Variants in DNHD1 observed in about 807,000 individuals in gnomAD.
DNHD1 encodes dynein heavy chain domain 1, also known as dynein heavy chain domain-containing protein 1.
A neutral mutation model predicts 458.1 loss-of-function variants in DNHD1; 383 were observed. That is an observed-to-expected ratio of 0.84 (90% CI 0.77 to 0.91). The LOEUF (loss-of-function observed/expected upper bound fraction) is 0.91, where lower values mean the gene tolerates loss of function less well. DNHD1 is among the 40% of genes least tolerant of loss of function. DNHD1 has a pLI of 0.00. For synonymous variants in DNHD1, 2,203 were observed against 2,376.9 expected (o/e 0.93, Z 2.13); for missense variants, 5,336 against 5,866.1 (o/e 0.91, Z 2.95).
rs1193899030 is a variant in DNHD1 at position 6,571,147 on chromosome 11, G to A, written c.13635G>A (p.Pro4545=). Reference sequence around the variant, plus strand: ...GGCGACCTCATGCGCCGGCCGGTCCGCAGCCGCCCTGGCACTGGCTGCGAC... The same window carrying A: ...GGCGACCTCATGCGCCGGCCGGTCCACAGCCGCCCTGGCACTGGCTGCGAC... ...LPWRPHAPAG[P]QPPWHWLRQL... Residue 4545 remains proline (P), a synonymous_variant, in exon 42 of 43, where the codon CCG becomes CCA. Coordinates refer to ENST00000254579, the MANE Select transcript of DNHD1 (RefSeq NM_144666.3). The surrounding 1 kb of genome is among the most constrained non-coding windows in gnomAD (Gnocchi z 5.0). The A allele has an allele frequency of 5.0e-6, 8 of 1,601,428 alleles. No individual in the cohort carries two copies. The highest frequency in any genetic ancestry group is 1.3e-5 in the African/African-American group (1 of 74,774).
rs754113419 is a variant in DNHD1, at chr11:6,502,704, A to G, written c.747-49A>G. 10 of 1,518,266 alleles carry G rather than the reference A, an allele frequency of 6.6e-6. No homozygotes were observed. In the African/African-American group the frequency reaches 8.4e-5, roughly 13 times the overall value. 94.0% of individuals were successfully genotyped at this position (1,518,266 alleles called of 1,614,324 possible). A position where few individuals can be genotyped will look rare whatever the true frequency, so the allele number is the denominator to read the frequency against. ...CAGTGGCAAGGCCTCCCTCTAAGGT[A>G]CTTGACCTTTTTACTCTGCCTTTTC... On this transcript the variant is annotated intron_variant, in intron 3 of 42. Transcript: ENST00000254579.
At position 6,559,190 on chromosome 11, in the gene DNHD1, T is replaced by A. The variant is rs1215136058; in HGVS notation, c.9426T>A (p.Asn3142Lys). 5 of 1,551,592 alleles carry A rather than the reference T, an allele frequency of 3.2e-6. No individual in the cohort carries two copies. The African/African-American group carries it at 5.5e-5, about 17-fold the overall frequency. Residue 3142 changes from asparagine to lysine, a missense_variant, in exon 28 of 43, where the codon AAT becomes AAA. This residue lies in a region of DNHD1 where 3,932 missense variants were observed against 4,365.6 expected (regional missense o/e 0.90). Coordinates refer to ENST00000254579, the MANE Select transcript of DNHD1 (RefSeq NM_144666.3). ...KIKNKAQRVQ[N>K]ALENLRMLIK... ...CACATTGTATCTCCAGGGTCCAGAATGCCTTGGAGAATCTGAGAATGCTGA... is the reference window on the plus strand; with the variant it reads ...CACATTGTATCTCCAGGGTCCAGAAAGCCTTGGAGAATCTGAGAATGCTGA...
At chr11:6,566,104 C>A in intron 33 of DNHD1, 113 bp downstream of exon 33, 1 of 1,481,808 alleles carries the variant, frequency 6.7e-7, no homozygotes, top group Non-Finnish European at 9.1e-7. Context: ...ATCCCAGGCA[C>A]TAACTATATT....
intron 7 of DNHD1, 64 bp from the exon 8 acceptor site, chr11:6,519,536 A>C: frequency 3.2e-6 from 5 of 1,585,176 alleles, no homozygotes; most frequent in Non-Finnish European, 4.3e-6. Flanking sequence ...GTTTGCACAG[A>C]CTAGTGGGTG....
rs148197500 is a variant in DNHD1, at chr11:6,502,290, C to G, written c.747-463C>G. 7.9e-3 allele frequency among the ~76,000 whole-genome samples: 1,197 copies of G among 152,062 alleles called. 15 individuals carry two copies. Among genetic ancestry groups the G allele is most frequent in the African/African-American group, 0.027 (1,116 of 41,454 alleles). On this transcript the variant is annotated intron_variant, in intron 3 of 42. Transcript: ENST00000254579. ...CAGAAAATGTAACAGGCATGGAGAT[C>G]ATTCAGGGTTGGAAAGCAGGTATAA...
At position 6,528,774 on chromosome 11, in the gene DNHD1, A is replaced by G. The variant is rs2344828; in HGVS notation, c.2090A>G (p.Gln697Arg). Reference protein sequence around the residue: ...PKIQQALNIQQVLLEGVLCKV... With the variant: ...PKIQQALNIQRVLLEGVLCKV... Reference sequence around the variant, plus strand: ...ATCCAGCAGGCACTGAATATACAACAGGTGCTGCTGGAGGTGAGAACAGTG... The same window carrying G: ...ATCCAGCAGGCACTGAATATACAACGGGTGCTGCTGGAGGTGAGAACAGTG... Residue 697 changes from glutamine to arginine, a missense_variant, in exon 11 of 43, where the codon CAG becomes CGG. Transcript: ENST00000254579. The G allele has an allele frequency of 0.68, 1,056,720 of 1,550,784 alleles. 361,930 individuals are homozygous for G. Among genetic ancestry groups the G allele is most frequent in the East Asian group, 0.87 (35,703 of 40,872 alleles).
intron 3 of DNHD1, among the ~76,000 whole-genome samples, chr11:6,502,406 T>C (rs1417697315): frequency 6.6e-6 from 1 of 152,168 alleles, no homozygotes; most frequent in Non-Finnish European, 1.5e-5. Context: ...GAGCAATGAG[T>C]TGGGAAAATA....
At position 6,570,259 on chromosome 11, in the gene DNHD1, A is replaced by ACGGGGG. The variant is rs775059200; in HGVS notation, c.12969_12974dup (p.Gly4324_Gly4325dup). 6.2e-7 allele frequency: 1 copy of ACGGGGG among 1,613,744 alleles called. No homozygotes were observed. ...ACCTCATCTTCAGCTTCAGTTTTCT[A>ACGGGGG]CGGGGGTCCTCTGGGGGACACTGAG... On this transcript the variant is annotated inframe_insertion, in exon 41 of 43. Transcript: ENST00000254579.
Position 6,547,549 on chromosome 11 carries a change from G to T in DNHD1, c.6610G>T (p.Val2204Leu), listed in dbSNP as rs189145820. Reference protein sequence around the residue: ...TCQGVSSLLQVHGQQAVCAGV... With the variant: ...TCQGVSSLLQLHGQQAVCAGV... ...CCAAGGTGTCAGCTCTCTGCTGCAG[G>T]TACACGGGCAGCAGGCTGTTTGTGC... Residue 2204 changes from valine to leucine, a missense_variant, in exon 21 of 43, where the codon GTA becomes TTA. By Grantham distance (32) the Val-to-Leu change is conservative. Coordinates refer to ENST00000254579, the MANE Select transcript of DNHD1 (RefSeq NM_144666.3). 17 of 1,551,124 alleles carry T rather than the reference G, an allele frequency of 1.1e-5. No homozygotes were observed. The East Asian group carries it at 2.0e-4, about 18-fold the overall frequency.
chr11:6,571,900 G>A lies in DNHD1; in HGVS notation c.14176G>A (p.Val4726Met), dbSNP rs762194204. ...GTAKLQSRNI[V>M]MHLPLPTKLT... ...CGCTAAGCTGCAGAGCAGGAACATCGTGATGCATCTGCCTTTACCCACCAA... is the reference window on the plus strand; with the variant it reads ...CGCTAAGCTGCAGAGCAGGAACATCATGATGCATCTGCCTTTACCCACCAA... Residue 4726 changes from valine (V) to methionine (M), a missense_variant, in exon 43 of 43, where the codon GTG (valine) becomes ATG (methionine). Physicochemically the swap from Val to Met is conservative, Grantham distance 21. Transcript: ENST00000254579. The surrounding 1 kb of genome is among the most constrained non-coding windows in gnomAD (Gnocchi z 5.0). The A allele has an allele frequency of 6.8e-6, 11 of 1,613,908 alleles. No homozygotes were observed. The highest frequency in any genetic ancestry group is 1.7e-5 in the Admixed American group (1 of 60,006).
rs1180662869 is a variant in DNHD1 at position 6,546,199 on chromosome 11, C to T, written c.5260C>T (p.Gln1754Ter). 6.4e-7 allele frequency: 1 copy of T among 1,551,160 alleles called. No individual in the cohort carries two copies. Among genetic ancestry groups the T allele is most frequent in the Admixed American group, 2.0e-5 (1 of 50,968 alleles). ...LPPGLLSALG[Q>*]RLGELHHLYA... is the part of the protein sequence containing the mutation. Reference sequence around the variant, plus strand: ...CCCTGGCTTGCTCTCTGCCCTGGGCCAGCGCCTGGGTGAACTGCACCACTT... The same window carrying T: ...CCCTGGCTTGCTCTCTGCCCTGGGCTAGCGCCTGGGTGAACTGCACCACTT... The change falls in exon 21 of 43, where the codon CAG becomes TAG. Residue 1754 changes from glutamine to a stop codon, truncating the protein, a stop_gained. Transcript: ENST00000254579. LOFTEE classifies it high-confidence loss of function.
chr11:6,547,704 C>A (rs749424774), intron 21 of DNHD1, 38 bp downstream of exon 21: 13 of 1,496,514 alleles, frequency 8.7e-6, no homozygotes, highest in African/African-American at 8.4e-5. Context: ...AGAGATGGGG[C>A]CTTAAGGGTA....
intron 10 of DNHD1, among the ~76,000 whole-genome samples, chr11:6,524,312 A>G (rs1852664874): frequency 6.6e-6 from 1 of 152,190 alleles, no homozygotes; most frequent in Non-Finnish European, 1.5e-5. Context: ...AAAGTAGAAT[A>G]TCAGGAAGAG....
intron 10 of DNHD1, among the ~76,000 whole-genome samples, chr11:6,521,571 T>G (rs1852604763): frequency 6.6e-6 from 1 of 152,104 alleles, no homozygotes; most frequent in Non-Finnish European, 1.5e-5. Context: ...GAAAAACAAA[T>G]AATGCAATGT....
Position 6,547,023 on chromosome 11 carries a change from T to C in DNHD1, c.6084T>C (p.Ile2028=), listed in dbSNP as rs1042467901. The part of the protein sequence containing the change: ...TSTQGCQPVE[I]THLYPSGLSP... ...CCCAAGGCTGCCAGCCTGTGGAAATTACCCACCTGTACCCCAGTGGCCTCA... is the reference window on the plus strand; with the variant it reads ...CCCAAGGCTGCCAGCCTGTGGAAATCACCCACCTGTACCCCAGTGGCCTCA... The change falls in exon 21 of 43, where the codon ATT becomes ATC. Residue 2028 remains isoleucine, a synonymous_variant. Coordinates refer to ENST00000254579, the MANE Select transcript of DNHD1 (RefSeq NM_144666.3). 8 of 1,551,552 alleles carry C rather than the reference T, an allele frequency of 5.2e-6. No homozygotes were observed. In the African/African-American group the frequency reaches 5.5e-5, roughly 11 times the overall value.
In DNHD1 at chr11:6,520,094, G is replaced by A; in HGVS notation, c.1777G>A (p.Ala593Thr). 1 of 1,614,192 alleles carries A rather than the reference G, an allele frequency of 6.2e-7. No individual in the cohort carries two copies. Among genetic ancestry groups the A allele is most frequent in the Non-Finnish European group, 8.5e-7 (1 of 1,180,040 alleles). Reference sequence around the variant, plus strand: ...AGGCCTACAGTCTGTCAAGACCTCTGCCTTGCAGGTATTCTGAATTGGGCA... The same window carrying A: ...AGGCCTACAGTCTGTCAAGACCTCTACCTTGCAGGTATTCTGAATTGGGCA... Reference protein sequence around the residue: ...TGGLQSVKTSALQVVQSADLK... With the variant: ...TGGLQSVKTSTLQVVQSADLK... The change falls in exon 9 of 43, where the codon GCC becomes ACC. Residue 593 changes from alanine to threonine, a missense_variant. By Grantham distance (58) the Ala-to-Thr change is moderately conservative. Transcript: ENST00000254579.
chr11:6,536,665 C>T (rs956430154), intron 14 of DNHD1, among the ~76,000 whole-genome samples: 1 of 152,230 alleles, frequency 6.6e-6, no homozygotes, highest in African/African-American at 2.4e-5. Context: ...AAGATTGGAA[C>T]TCATTTTCAG....
In DNHD1 at chr11:6,503,273, A is replaced by G. The variant is rs142181265; in HGVS notation, c.920+347A>G. The G allele has an allele frequency of 3.1e-5, 6 of 191,136 alleles. No homozygotes were observed. The East Asian group carries it at 7.8e-4, about 25-fold the overall frequency. 11.8% of individuals were successfully genotyped at this position (191,136 alleles called of 1,614,324 possible). On this transcript the variant is annotated intron_variant, in intron 4 of 42. Coordinates refer to ENST00000254579, the MANE Select transcript of DNHD1 (RefSeq NM_144666.3). ...CTATTCCAACTCCAATGGAAGAAAC[A>G]TGTGTTTGTTTAAATCTTTACAGTG...
At chr11:6,507,232 G>C (rs1852246578) in intron 4 of DNHD1, among the ~76,000 whole-genome samples, 1 of 152,170 alleles carries the variant, frequency 6.6e-6, no homozygotes, top group Non-Finnish European at 1.5e-5. Context: ...GTTCCATAAA[G>C]TCAGGGACTG....
Sources: allele counts gnomAD v4.1 joint callset (sites outside exome capture counted in the v4.1 genomes callset), GRCh38; gene constraint gnomAD v4.1.1; regional missense constraint gnomAD v4.1.1; non-coding constraint Gnocchi (gnomAD v3.1); transcripts MANE v1.5; gene names NCBI Gene and HGNC (gene_info 2026-07-23, HGNC 2026-07-21).